Variants in PITPNC1 observed in about 807,000 individuals in gnomAD.
The protein encoded by PITPNC1 is cytoplasmic phosphatidylinositol transfer protein 1.
In PITPNC1, 18 loss-of-function variants were observed where a neutral mutation model predicts 44.7. That is an observed-to-expected ratio of 0.40 (90% CI 0.28 to 0.60). The LOEUF is 0.60. Among genes scored for constraint, PITPNC1 ranks in the 20% least tolerant of loss-of-function variants. PITPNC1 has a pLI of 0.39. For synonymous variants in PITPNC1, 141 were observed against 149.6 expected, an observed-to-expected ratio of 0.94 and a Z score of 0.42; for missense variants, 290 against 418.4, an observed-to-expected ratio of 0.69 and a Z score of 2.68.
chr17:67,549,144 T>C (rs1013830542), intron 2 of PITPNC1, among the ~76,000 whole-genome samples: 1 of 152,070 alleles, frequency 6.6e-6, no homozygotes, highest in African/African-American at 2.4e-5. Context: ...AGAAGGAACC[T>C]CCTTTCCAGA....
At chr17:67,451,366 T>C (rs1239260961) in intron 1 of PITPNC1, among the ~76,000 whole-genome samples, 1 of 152,070 alleles carries the variant, frequency 6.6e-6, no homozygotes, top group Non-Finnish European at 1.5e-5. Flanking sequence ...AACTCACCTA[T>C]CTTAAGTGTA....
At chr17:67,433,759 G>T (rs965388802) in intron 1 of PITPNC1, among the ~76,000 whole-genome samples, 4 of 152,058 alleles carry the variant, frequency 2.6e-5, no homozygotes, top group African/African-American at 9.7e-5. Flanking sequence ...GGCTCAGGAG[G>T]CTGACGCAGG....
intron 8 of PITPNC1, among the ~76,000 whole-genome samples, chr17:67,691,935 G>A (rs1211790146): frequency 6.6e-6 from 1 of 152,054 alleles, no homozygotes; most frequent in Non-Finnish European, 1.5e-5. Context: ...CTTGAGCCCA[G>A]GAGGTCGAGA....
intron 1 of PITPNC1, among the ~76,000 whole-genome samples, chr17:67,384,167 C>T (rs979126905): frequency 6.6e-6 from 1 of 151,690 alleles, no homozygotes; most frequent in Non-Finnish European, 1.5e-5. Context: ...ATATGGTGCA[C>T]AATGCAGAAA....
chr17:67,665,008 T>C (rs2042402205), intron 6 of PITPNC1, among the ~76,000 whole-genome samples: 1 of 152,232 alleles, frequency 6.6e-6, no homozygotes, highest in South Asian at 2.1e-4. Flanking sequence ...AATCAGTTCA[T>C]GGAAATGTGT....
chr17:67,501,567 C>T (rs1422903579), intron 1 of PITPNC1, among the ~76,000 whole-genome samples: 1 of 152,158 alleles, frequency 6.6e-6, no homozygotes. Context: ...TGCGGTGGCT[C>T]ACGCCTGTAA....
At chr17:67,690,682 A>T (rs1030382292) in intron 8 of PITPNC1, among the ~76,000 whole-genome samples, 2 of 152,116 alleles carry the variant, frequency 1.3e-5, no homozygotes, top group Admixed American at 6.5e-5. Context: ...TAAATTTTGC[A>T]TTTTGCTCCA....
chr17:67,388,336 T>C (rs2038085522), intron 1 of PITPNC1, among the ~76,000 whole-genome samples: 1 of 151,364 alleles, frequency 6.6e-6, no homozygotes, highest in Non-Finnish European at 1.5e-5. Flanking sequence ...GTGTTTTTTT[T>C]TTTTTTTCCC....
At chr17:67,450,453 C>A (rs997908882) in intron 1 of PITPNC1, among the ~76,000 whole-genome samples, 2 of 151,924 alleles carry the variant, frequency 1.3e-5, no homozygotes, top group Admixed American at 1.3e-4. Context: ...GAAGACGAAG[C>A]CTTGCTCTGT....
intron 2 of PITPNC1, among the ~76,000 whole-genome samples, chr17:67,542,577 A>T (rs913928791): frequency 6.6e-6 from 1 of 152,186 alleles, no homozygotes; most frequent in African/African-American, 2.4e-5. Context: ...CCTCCTGATC[A>T]AGGTAGGGTC....
At chr17:67,477,142 C>G (rs555661422) in intron 1 of PITPNC1, among the ~76,000 whole-genome samples, 1 of 152,018 alleles carries the variant, frequency 6.6e-6, no homozygotes, top group Admixed American at 6.5e-5. Context: ...ATGGCATGAT[C>G]GCAGCACACT....
chr17:67,401,521 C>G (rs1312206967), intron 1 of PITPNC1, among the ~76,000 whole-genome samples: 2 of 152,104 alleles, frequency 1.3e-5, no homozygotes, highest in Non-Finnish European at 2.9e-5. Flanking sequence ...CAAGCCCTTT[C>G]CACATGCTGA....
chr17:67,643,160 G>A (rs2042108829), intron 6 of PITPNC1, among the ~76,000 whole-genome samples: 1 of 152,196 alleles, frequency 6.6e-6, no homozygotes, highest in African/African-American at 2.4e-5. Context: ...AGCACTTTGG[G>A]ACGCCAAGGC....
At chr17:67,540,528 AAAAAT>A (rs1568032821) in intron 2 of PITPNC1, among the ~76,000 whole-genome samples, 1 of 152,254 alleles carries the variant, frequency 6.6e-6, no homozygotes, top group Admixed American at 6.5e-5. Flanking sequence ...ACTGTAATTT[AAAAAT>A]AAAATCGAAA....
chr17:67,494,789 T>C (rs929946323), intron 1 of PITPNC1, among the ~76,000 whole-genome samples: 13 of 152,048 alleles, frequency 8.5e-5, no homozygotes, highest in African/African-American at 3.1e-4. Context: ...CTGGGCAACA[T>C]GGCAAAACAC....
At chr17:67,579,288 A>C (rs554478790) in intron 5 of PITPNC1, among the ~76,000 whole-genome samples, 1 of 152,316 alleles carries the variant, frequency 6.6e-6, no homozygotes, top group Admixed American at 6.5e-5. Context: ...TGACCTACCA[A>C]AAGCCTCACC....
In PITPNC1 at chr17:67,569,590, G is replaced by A. The variant is rs141187840; in HGVS notation, c.295-8596G>A. Among the ~76,000 whole-genome samples the A allele has an allele frequency of 3.4e-3, 515 of 152,304 alleles. 4 individuals carry two copies. The highest frequency in any genetic ancestry group is 0.012 in the African/African-American group (485 of 41,552). On this transcript the variant is annotated intron_variant, in intron 4 of 8. Coordinates refer to ENST00000581322, the MANE Select transcript of PITPNC1 (RefSeq NM_012417.4). The stretch of plus-strand genomic sequence containing the variant: ...TAAGAGGTTCATCCTGGTGGATTCC[G>A]TTGGGTTTGGAAGGCCAATTATAGA...
chr17:67,605,677 A>G (rs767432685), intron 5 of PITPNC1, among the ~76,000 whole-genome samples: 1 of 152,222 alleles, frequency 6.6e-6, no homozygotes. Flanking sequence ...CAATAAAATA[A>G]TAAGTAATGG....
chr17:67,670,557 G>A (rs2042495257), intron 7 of PITPNC1, among the ~76,000 whole-genome samples: 1 of 151,884 alleles, frequency 6.6e-6, no homozygotes, highest in South Asian at 2.1e-4. Flanking sequence ...AGACCAGCCT[G>A]GCCAACCTGG....
Sources: allele counts gnomAD v4.1 joint callset (sites outside exome capture counted in the v4.1 genomes callset), GRCh38; gene constraint gnomAD v4.1.1; transcripts MANE v1.5; gene names NCBI Gene and HGNC (gene_info 2026-07-23, HGNC 2026-07-21).